Variants in CYP4X1 observed in about 807,000 individuals in gnomAD.
CYP4X1 encodes cytochrome P450 family 4 subfamily X member 1.
In CYP4X1, 44 loss-of-function variants were observed where a neutral mutation model predicts 57.9. The ratio of observed to expected loss-of-function variants is 0.76; its 90% CI spans 0.60 to 0.98. CYP4X1 has a LOEUF of 0.98. Ranked by LOEUF, CYP4X1 falls within the 50% of genes least tolerant of loss-of-function variation. The pLI, the probability that CYP4X1 is intolerant of heterozygous loss-of-function variation, is 0.00. For missense variants in CYP4X1, 532 were observed against 623.9 expected, an observed-to-expected ratio of 0.85 and a Z score of 1.57; for synonymous variants, 227 against 228.6, an observed-to-expected ratio of 0.99 and a Z score of 0.06.
downstream of CYP4X1, among the ~76,000 whole-genome samples, chr1:47,053,240 C>T (rs530270347): frequency 1.2e-3 from 181 of 152,264 alleles, no homozygotes; most frequent in African/African-American, 4.1e-3. Flanking sequence ...CTACAAAGGA[C>T]ATGAACTCAT....
the CYP4X1 span, among the ~76,000 whole-genome samples, chr1:46,964,318 G>A: frequency 6.6e-6 from 1 of 152,138 alleles, no homozygotes. Flanking sequence ...AGAGGCGCTC[G>A]ATTTTTAGAG....
At chr1:47,023,468 G>A (rs917421597), upstream of CYP4X1, 5 of 966,104 alleles carry the variant, frequency 5.2e-6, no homozygotes, top group Non-Finnish European at 6.2e-6. Context: ...TTGTGATAAG[G>A]AAGAAAAACA....
At chr1:46,983,217 T>C in the CYP4X1 span, among the ~76,000 whole-genome samples, 2 of 152,148 alleles carry the variant, frequency 1.3e-5, no homozygotes, top group East Asian at 3.9e-4. Flanking sequence ...GGCATGTCTG[T>C]TGCCTCTGGC....
upstream of CYP4X1, among the ~76,000 whole-genome samples, chr1:47,022,283 CTTTTTT>C (rs11352280): frequency 3.7e-4 from 29 of 77,346 alleles, no homozygotes; most frequent in African/African-American, 1.4e-3. Flanking sequence ...TGGGGCCTGT[CTTTTTT>C]TTTTTTTTTT....
chr1:47,000,942 G>A, the CYP4X1 span: 78 of 164,446 alleles, frequency 4.7e-4, no homozygotes, highest in East Asian at 0.012. Flanking sequence ...TAACATGCAG[G>A]TGTATCCCAT....
intron 1 of CYP4X1, among the ~76,000 whole-genome samples, chr1:47,028,987 G>C (rs1270377551): frequency 6.6e-6 from 1 of 152,200 alleles, no homozygotes. Flanking sequence ...CAACCTTTCA[G>C]TGGCCTTGAA....
the CYP4X1 span, among the ~76,000 whole-genome samples, chr1:46,974,136 TCAAA>T: frequency 1.3e-5 from 2 of 152,204 alleles, no homozygotes; most frequent in Admixed American, 6.5e-5. Context: ...TTCATTAGCT[TCAAA>T]CAATTTTTTG....
the CYP4X1 span, among the ~76,000 whole-genome samples, chr1:47,018,113 C>T: frequency 1.7e-4 from 26 of 152,172 alleles, no homozygotes; most frequent in African/African-American, 6.3e-4. Flanking sequence ...ACCACTGTTC[C>T]TGGACCAAAC....
chr1:46,977,791 A>G, the CYP4X1 span, among the ~76,000 whole-genome samples: 4 of 152,096 alleles, frequency 2.6e-5, no homozygotes, highest in Admixed American at 2.0e-4. Flanking sequence ...CACAAACTCT[A>G]CAAGCCAGGA....
At chr1:46,966,013 T>A in the CYP4X1 span, among the ~76,000 whole-genome samples, 1 of 152,208 alleles carries the variant, frequency 6.6e-6, no homozygotes, top group South Asian at 2.1e-4. Flanking sequence ...TGCTGCTTTG[T>A]GGGAGATCCT....
the CYP4X1 span, among the ~76,000 whole-genome samples, chr1:46,977,523 G>A: frequency 7.0e-4 from 106 of 152,236 alleles, 1 homozygote; most frequent in African/African-American, 2.5e-3. Context: ...AAGTGACCGA[G>A]AGAATGGAGC....
chr1:47,035,920 T>G lies in CYP4X1; in HGVS notation c.607T>G (p.Cys203Gly). The change falls in exon 5 of 12, where the codon TGC (cysteine) becomes GGC (glycine). Residue 203 changes from cysteine (C) to glycine (G), a missense_variant. Physicochemically the swap from Cys to Gly is radical, Grantham distance 159 (BLOSUM62 -3). Transcript: ENST00000371901. ...MKCAFSKETNCQTNSTHDPYA... is the reference protein window; with the variant it reads ...MKCAFSKETNGQTNSTHDPYA... Reference sequence around the variant, plus strand: ...ATGCGCTTTCAGCAAGGAGACCAACTGCCAGACAAACAGGTCAGTGGTGGG... The same window carrying G: ...ATGCGCTTTCAGCAAGGAGACCAACGGCCAGACAAACAGGTCAGTGGTGGG... 1 of 1,613,700 alleles carries G rather than the reference T, an allele frequency of 6.2e-7. No homozygotes were observed. Among genetic ancestry groups the G allele is most frequent in the South Asian group, 1.1e-5 (1 of 91,002 alleles).
At chr1:46,967,220 G>T in the CYP4X1 span, among the ~76,000 whole-genome samples, 1 of 152,192 alleles carries the variant, frequency 6.6e-6, no homozygotes, top group Non-Finnish European at 1.5e-5. Flanking sequence ...TGGAAGAAAA[G>T]AGATTCTCCC....
At chr1:47,044,512 G>T (rs1185109008) in intron 8 of CYP4X1, among the ~76,000 whole-genome samples, 7 of 149,316 alleles carry the variant, frequency 4.7e-5, no homozygotes, top group Non-Finnish European at 1.0e-4. Context: ...CTTTATACTA[G>T]AGATAGAATT....
At chr1:46,971,653 A>AT in the CYP4X1 span, among the ~76,000 whole-genome samples, 4 of 151,888 alleles carry the variant, frequency 2.6e-5, no homozygotes, top group African/African-American at 9.7e-5. Flanking sequence ...TGAGGTTTTG[A>AT]TTTGCATTTC....
At chr1:46,993,320 T>C in the CYP4X1 span, among the ~76,000 whole-genome samples, 2 of 151,424 alleles carry the variant, frequency 1.3e-5, no homozygotes, top group African/African-American at 4.9e-5. Context: ...ATTTTCTTAA[T>C]CCAGTCTATC....
the CYP4X1 span, among the ~76,000 whole-genome samples, chr1:47,007,214 T>C: frequency 6.6e-6 from 1 of 152,108 alleles, no homozygotes; most frequent in Non-Finnish European, 1.5e-5. Context: ...GGCCAGGTAC[T>C]CCTCTGAGAC....
downstream of CYP4X1, among the ~76,000 whole-genome samples, chr1:47,053,178 T>C (rs796340443): frequency 9.4e-3 from 1,432 of 152,240 alleles, 11 homozygotes; most frequent in African/African-American, 0.032. Context: ...TTTGGTTTTT[T>C]GTCCTTGTGA....
At chr1:47,054,398 G>A (rs1175483840), downstream of CYP4X1, among the ~76,000 whole-genome samples, 1 of 152,060 alleles carries the variant, frequency 6.6e-6, no homozygotes, top group Non-Finnish European at 1.5e-5. Flanking sequence ...ACTTGGCAAT[G>A]AGGGCTCTTT....
Sources: allele counts gnomAD v4.1 joint callset (sites outside exome capture counted in the v4.1 genomes callset), GRCh38; gene constraint gnomAD v4.1.1; transcripts MANE v1.5; gene names NCBI Gene and HGNC (gene_info 2026-07-23, HGNC 2026-07-21).